CADPS: variants seen among roughly 807,000 people sequenced by gnomAD.
The protein encoded by CADPS is calcium-dependent secretion activator 1.
A neutral mutation model predicts 167.3 loss-of-function variants in CADPS; 57 were observed. That is an observed-to-expected ratio of 0.34 (90% CI 0.28 to 0.42). The LOEUF is 0.42. CADPS is among the 20% of genes least tolerant of loss of function. CADPS has a pLI of 1.00. For synonymous variants in CADPS, 676 were observed against 635.3 expected (o/e 1.06, Z -0.96); for missense variants, 1,414 against 1,738.1 (o/e 0.81, Z 3.32).
chr3:62,764,475 C>A (rs1022079305), intron 2 of CADPS, among the ~76,000 whole-genome samples: 2 of 152,150 alleles, frequency 1.3e-5, no homozygotes, highest in African/African-American at 2.4e-5. Flanking sequence ...ATAAAAATTT[C>A]TTGAAGAAAA....
chr3:62,754,032 A>G (rs1347689665), intron 2 of CADPS, among the ~76,000 whole-genome samples: 1 of 152,176 alleles, frequency 6.6e-6, no homozygotes, highest in Non-Finnish European at 1.5e-5. Flanking sequence ...AGATGATACT[A>G]TCATGAGAGG....
intron 1 of CADPS, chr3:62,779,695 C>A: frequency 4.1e-6 from 2 of 488,202 alleles, no homozygotes; most frequent in South Asian, 3.1e-5. Context: ...CCATTCTGAT[C>A]AATAACATCT....
At chr3:62,529,098 T>C (rs1443809613) in intron 13 of CADPS, among the ~76,000 whole-genome samples, 3 of 151,948 alleles carry the variant, frequency 2.0e-5, no homozygotes, top group African/African-American at 7.3e-5. Flanking sequence ...GAGGCGGAGG[T>C]TGCAGTGAGC....
intron 21 of CADPS, among the ~76,000 whole-genome samples, 192 bp downstream of exon 21, chr3:62,491,147 C>G (rs1306648331): frequency 6.6e-6 from 1 of 152,160 alleles, no homozygotes; most frequent in Non-Finnish European, 1.5e-5. Context: ...CCCTACCCTA[C>G]CCACCTCCTC....
intron 1 of CADPS, among the ~76,000 whole-genome samples, chr3:62,769,071 C>A (rs573192837): frequency 6.6e-6 from 1 of 152,140 alleles, no homozygotes; most frequent in Non-Finnish European, 1.5e-5. Flanking sequence ...AAATGACTAA[C>A]CTCTCTAAAG....
intron 1 of CADPS, among the ~76,000 whole-genome samples, chr3:62,777,061 TA>T (rs932451466): frequency 1.3e-5 from 2 of 152,146 alleles, no homozygotes; most frequent in Non-Finnish European, 2.9e-5. Context: ...TCACAACTAT[TA>T]AAAATGAAAC....
At chr3:62,686,849 A>T (rs560746283) in intron 3 of CADPS, among the ~76,000 whole-genome samples, 2 of 152,238 alleles carry the variant, frequency 1.3e-5, no homozygotes, top group East Asian at 3.9e-4. Context: ...CCCAGAATGC[A>T]TTGGGTAGTT....
chr3:62,541,662 T>C (rs1157501647), intron 11 of CADPS, among the ~76,000 whole-genome samples: 1 of 152,158 alleles, frequency 6.6e-6, no homozygotes, highest in African/African-American at 2.4e-5. Flanking sequence ...ATTATGTGGG[T>C]TTTATACTCT....
chr3:62,624,183 T>C (rs1300300667), intron 6 of CADPS, among the ~76,000 whole-genome samples: 1 of 151,508 alleles, frequency 6.6e-6, no homozygotes, highest in Admixed American at 6.6e-5. Context: ...ATCTTTCACC[T>C]TCATCCAGTA....
chr3:62,737,657 C>T (rs2079276386), intron 3 of CADPS, among the ~76,000 whole-genome samples: 1 of 152,154 alleles, frequency 6.6e-6, no homozygotes, highest in African/African-American at 2.4e-5. Flanking sequence ...GATAGCCCAG[C>T]CTTCTGAATG....
intron 3 of CADPS, among the ~76,000 whole-genome samples, chr3:62,690,563 C>T (rs753508093): frequency 7.9e-5 from 12 of 151,868 alleles, no homozygotes; most frequent in Non-Finnish European, 1.3e-4. Context: ...AAAGAGAACC[C>T]GGACTGTCCC....
Position 62,560,669 on chromosome 3 carries a change from C to T in CADPS, c.1645-3156G>A, listed in dbSNP as rs1423052341. Reference sequence around the variant, plus strand: ...CAGGCCGTTGGGACTTCTGAGGGAACAGTCAGCGAGGTTTTATTTTAAAGC... The same window carrying T: ...CAGGCCGTTGGGACTTCTGAGGGAATAGTCAGCGAGGTTTTATTTTAAAGC... On this transcript the variant is annotated intron_variant, in intron 9 of 29. Coordinates refer to ENST00000383710, the MANE Select transcript of CADPS (RefSeq NM_003716.4). 2.0e-5 allele frequency among the ~76,000 whole-genome samples: 3 copies of T among 152,218 alleles called. No individual in the cohort carries two copies. In the East Asian group the frequency reaches 5.8e-4, roughly 29 times the overall value.
intron 28 of CADPS, among the ~76,000 whole-genome samples, chr3:62,434,003 T>C (rs947382419): frequency 3.9e-5 from 6 of 152,210 alleles, no homozygotes; most frequent in Non-Finnish European, 8.8e-5. Context: ...TTTAGGAATA[T>C]GGAGATTATT....
At chr3:62,595,177 G>C (rs1278748343) in intron 6 of CADPS, among the ~76,000 whole-genome samples, 1 of 152,026 alleles carries the variant, frequency 6.6e-6, no homozygotes, top group Non-Finnish European at 1.5e-5. Flanking sequence ...CCAGATCCAT[G>C]GGGATCTCAG....
intron 6 of CADPS, among the ~76,000 whole-genome samples, chr3:62,610,033 G>T (rs2061279748): frequency 6.6e-6 from 1 of 151,982 alleles, no homozygotes; most frequent in African/African-American, 2.4e-5. Flanking sequence ...AGGCTGTAGA[G>T]AGTCAAGACT....
chr3:62,778,550 C>G (rs939103235), intron 1 of CADPS, among the ~76,000 whole-genome samples: 51 of 152,232 alleles, frequency 3.4e-4, no homozygotes, highest in Non-Finnish European at 5.9e-4. Flanking sequence ...TCATCCCTGA[C>G]TCTTGGTATT....
At chr3:62,483,056 C>T (rs1385314327) in intron 21 of CADPS, among the ~76,000 whole-genome samples, 2 of 151,938 alleles carry the variant, frequency 1.3e-5, no homozygotes, top group Non-Finnish European at 2.9e-5. Context: ...TCAGTAGTGG[C>T]ATTTTAAGGG....
At chr3:62,724,078 G>A (rs920032814) in intron 3 of CADPS, among the ~76,000 whole-genome samples, 1 of 152,194 alleles carries the variant, frequency 6.6e-6, no homozygotes, top group African/African-American at 2.4e-5. Flanking sequence ...TAACCTTGAT[G>A]TATCTGCACT....
intron 11 of CADPS, among the ~76,000 whole-genome samples, chr3:62,542,920 C>T (rs889826898): frequency 1.3e-5 from 2 of 152,048 alleles, no homozygotes; most frequent in Non-Finnish European, 2.9e-5. Context: ...ACAGAGTACT[C>T]GATGTTTTTG....
Sources: allele counts gnomAD v4.1 joint callset (sites outside exome capture counted in the v4.1 genomes callset), GRCh38; gene constraint gnomAD v4.1.1; transcripts MANE v1.5; gene names NCBI Gene and HGNC (gene_info 2026-07-23, HGNC 2026-07-21).